The following HMCN2 variants were observed in gnomAD, a reference collection of about 807,000 sequenced individuals.
HMCN2 encodes the protein hemicentin 2, also known as hemicentin-2.
A neutral mutation model predicts 377.5 loss-of-function variants in HMCN2; 325 were observed. The observed-to-expected ratio is 0.86, with a 90% CI of 0.79 to 0.94. The LOEUF is 0.94. Ranked by LOEUF, HMCN2 falls within the 40% of genes least tolerant of loss-of-function variation. The pLI is 0.00. For synonymous variants in HMCN2, 2,007 were observed against 2,046.8 expected, an observed-to-expected ratio of 0.98 and a Z score of 0.53; for missense variants, 4,543 against 4,725.3, an observed-to-expected ratio of 0.96 and a Z score of 1.13.
chr9:130,408,596 G>C, intron 83 of HMCN2, 147 bp from the exon 84 acceptor site: 1 of 381,674 alleles, frequency 2.6e-6, no homozygotes, highest in South Asian at 2.2e-5. Flanking sequence ...TGTCCCTGAT[G>C]CACTGACTAA....
chr9:130,294,486 G>C (rs1836000735), intron 4 of HMCN2, among the ~76,000 whole-genome samples: 1 of 152,150 alleles, frequency 6.6e-6, no homozygotes, highest in African/African-American at 2.4e-5. Flanking sequence ...GAACTACATG[G>C]GTCTGGGGGA....
chr9:130,434,045 G>T lies in HMCN2; in HGVS notation c.*352G>T. On this transcript the variant is annotated 3_prime_UTR_variant, in exon 98 of 98. Transcript: ENST00000683500. ...GGGGGCAGACCCCGCGTTAGGGGTG[G>T]CAGCAGCTGTCGCCCGGCCACACCT... 1 of 241,402 alleles carries T rather than the reference G, an allele frequency of 4.1e-6. No homozygotes were observed. The highest frequency in any genetic ancestry group is 7.9e-6 in the Non-Finnish European group (1 of 126,554). 15.0% of individuals were successfully genotyped at this position (241,402 alleles called of 1,614,324 possible). A position where few individuals can be genotyped will look rare whatever the true frequency, so the allele number is the denominator to read the frequency against.
In HMCN2 at chr9:130,376,220, C is replaced by G. The variant is rs376074962; in HGVS notation, c.7918+231C>G. On this transcript the variant is annotated intron_variant, in intron 51 of 97. Transcript: ENST00000683500. Reference sequence around the variant, plus strand: ...GACCCACTGCAGTCCTAGCTTCCTCCTGCCACTTCTGCTTTGGAGTATAAA... The same window carrying G: ...GACCCACTGCAGTCCTAGCTTCCTCGTGCCACTTCTGCTTTGGAGTATAAA... Among the ~76,000 whole-genome samples the G allele has an allele frequency of 3.9e-3, 599 of 152,304 alleles. 5 individuals carry two copies. The highest frequency in any genetic ancestry group is 0.014 in the African/African-American group (576 of 41,570).
rs57296543 is a variant in HMCN2, at chr9:130,424,169, ATTT to A, written c.13382-595_13382-593del. The stretch of plus-strand genomic sequence containing the variant: ...CTAATGTCCATATATATATATATAT[ATTT>A]TTTTTTTTTTTAATTTTTTTTTTTG... On this transcript the variant is annotated intron_variant, in intron 87 of 97. Transcript: ENST00000683500. Among the ~76,000 whole-genome samples the A allele has an allele frequency of 4.8e-3, 328 of 68,514 alleles. 1 individual carries two copies. Among genetic ancestry groups the A allele is most frequent in the African/African-American group, 0.015 (308 of 20,096 alleles). The allele number at this position is 68,514 out of a possible 152,430, so 44.9% of individuals were successfully genotyped here.
chr9:130,330,182 CAG>C (rs1413692291), intron 22 of HMCN2, among the ~76,000 whole-genome samples: 98 of 152,152 alleles, frequency 6.4e-4, no homozygotes, highest in Non-Finnish European at 1.3e-3. Context: ...CATCTCTTGA[CAG>C]GGGCCAGCAG....
intron 60 of HMCN2, 21 bp downstream of exon 60, chr9:130,385,783 G>A (rs973959853): frequency 2.7e-5 from 35 of 1,298,218 alleles, no homozygotes; most frequent in African/African-American, 1.4e-4. Context: ...CTGGGGGCAC[G>A]GGCAGCCATG....
intron 4 of HMCN2, among the ~76,000 whole-genome samples, chr9:130,290,627 C>T (rs1835700427): frequency 6.6e-6 from 1 of 152,210 alleles, no homozygotes; most frequent in Admixed American, 6.5e-5. Context: ...TGGGAGTCCT[C>T]AGCCACTGCT....
At position 130,399,592 on chromosome 9, in the gene HMCN2, G is replaced by A. The variant is rs1842769166; in HGVS notation, c.11565G>A (p.Glu3855=). 2 of 1,289,628 alleles carry A rather than the reference G, an allele frequency of 1.6e-6. No individual in the cohort carries two copies. Among genetic ancestry groups the A allele is most frequent in the Non-Finnish European group, 2.0e-6 (2 of 988,740 alleles). The allele number at this position is 1,289,628 out of a possible 1,614,324, so 79.9% of individuals were successfully genotyped here. Residue 3855 remains glutamate (E), a synonymous_variant, in exon 76 of 98, where the codon GAG becomes GAA. Coordinates refer to ENST00000683500, the MANE Select transcript of HMCN2 (RefSeq NM_001291815.2). ...AGTTTGAATGCGTGGTGAGCAATGA[G>A]GTGGGCGAGGCCCACAGGCTCTACC... is the stretch of plus-strand genomic sequence containing the variant. The part of the protein sequence containing the change: ...SAQFECVVSN[E]VGEAHRLYQV...
chr9:130,349,724 T>TG, intron 29 of HMCN2, 61 bp downstream of exon 29: 1 of 1,269,368 alleles, frequency 7.9e-7, no homozygotes, highest in Non-Finnish European at 1.0e-6. Flanking sequence ...CTGCTGGATG[T>TG]GGGGGTTGGG....
intron 43 of HMCN2, among the ~76,000 whole-genome samples, chr9:130,367,655 G>A (rs1313192135): frequency 6.6e-6 from 1 of 151,856 alleles, no homozygotes; most frequent in Non-Finnish European, 1.5e-5. Flanking sequence ...AGGATCCCAG[G>A]GGGAGGCTGG....
intron 40 of HMCN2, among the ~76,000 whole-genome samples, chr9:130,363,681 G>A (rs1376421319): frequency 6.6e-6 from 1 of 151,944 alleles, no homozygotes; most frequent in East Asian, 1.9e-4. Flanking sequence ...AAATTAGCTG[G>A]GTATGGTGGT....
chr9:130,353,908 C>T (rs1250076387), intron 31 of HMCN2, among the ~76,000 whole-genome samples: 1 of 152,072 alleles, frequency 6.6e-6, no homozygotes, highest in Non-Finnish European at 1.5e-5. Flanking sequence ...GCCTGGCCCC[C>T]CGTGGGGAGT....
In HMCN2 at chr9:130,364,809, G is replaced by A; in HGVS notation, c.6328G>A (p.Val2110Met). The part of the protein sequence containing the change: ...ECQSHAMPPP[V>M]LSWWKDGRPL... Reference sequence around the variant, plus strand: ...CCAGAGCCACGCCATGCCCCCTCCTGTGCTGAGCTGGTGGAAGGACGGGCG... The same window carrying A: ...CCAGAGCCACGCCATGCCCCCTCCTATGCTGAGCTGGTGGAAGGACGGGCG... The change falls in exon 41 of 98, where the codon GTG becomes ATG. Residue 2110 changes from valine (V) to methionine (M), a missense_variant. Physicochemically the swap from Val to Met is conservative, Grantham distance 21 (BLOSUM62 1). This residue lies in a region of HMCN2 where 1,032 missense variants were observed against 1,285.1 expected (regional missense o/e 0.80). Coordinates refer to ENST00000683500, the MANE Select transcript of HMCN2 (RefSeq NM_001291815.2). The A allele has an allele frequency of 1.0e-6, 1 of 986,056 alleles. No individual in the cohort carries two copies. The allele number at this position is 986,056 out of a possible 1,614,324, so 61.1% of individuals were successfully genotyped here.
intron 1 of HMCN2, 37 bp from the exon 2 acceptor site, chr9:130,284,566 C>T (rs1554926873): frequency 2.1e-6 from 1 of 470,970 alleles, no homozygotes; most frequent in Non-Finnish European, 4.4e-6. Context: ...GTCTAGGAGT[C>T]CCAGCCCATC....
chr9:130,377,874 C>A, intron 53 of HMCN2, 75 bp downstream of exon 53: 1 of 963,372 alleles, frequency 1.0e-6, no homozygotes, highest in Non-Finnish European at 1.2e-6. Context: ...CTCCGCAGGC[C>A]CCCACCATGT....
At chr9:130,377,459 A>G (rs927363909) in intron 52 of HMCN2, among the ~76,000 whole-genome samples, 190 bp from the exon 53 acceptor site, 8 of 152,102 alleles carry the variant, frequency 5.3e-5, no homozygotes, top group Non-Finnish European at 1.5e-5. Flanking sequence ...AAACTCTACT[A>G]TTTTCACCCA....
At chr9:130,373,733 G>A (rs796339176) in intron 48 of HMCN2, among the ~76,000 whole-genome samples, 1,528 of 20,796 alleles carry the variant, frequency 0.073, 3 homozygotes, top group Non-Finnish European at 0.26. Flanking sequence ...GGATGGATAG[G>A]TAGGTGGATG....
In HMCN2 at chr9:130,299,303, CTT is replaced by C. The variant is rs1376079608; in HGVS notation, c.1276+18_1276+19del. On this transcript the variant is annotated intron_variant, in intron 8 of 97. Transcript: ENST00000683500. ...GGTGGCCCCAGGTGAGTGGTTGGCT[CTT>C]TTGTCTCCCAGGCCCCTGGCTCATT... is the stretch of plus-strand genomic sequence containing the variant. 1 of 440,850 alleles carries C rather than the reference CTT, an allele frequency of 2.3e-6. No individual in the cohort carries two copies. The highest frequency in any genetic ancestry group is 7.2e-5 in the East Asian group (1 of 13,866). 27.3% of individuals were successfully genotyped at this position (440,850 alleles called of 1,614,324 possible).
chr9:130,288,288 G>A (rs1244808216), intron 4 of HMCN2, among the ~76,000 whole-genome samples: 1 of 152,220 alleles, frequency 6.6e-6, no homozygotes, highest in Non-Finnish European at 1.5e-5. Flanking sequence ...GCTTTCTGCT[G>A]TGACAGTCTG....
Sources: allele counts gnomAD v4.1 joint callset (sites outside exome capture counted in the v4.1 genomes callset), GRCh38; gene constraint gnomAD v4.1.1; regional missense constraint gnomAD v4.1.1; transcripts MANE v1.5; gene names NCBI Gene and HGNC (gene_info 2026-07-23, HGNC 2026-07-21).